Variants in ARHGAP28 observed in about 807,000 individuals in gnomAD.
ARHGAP28 encodes rho GTPase-activating protein 28.
In ARHGAP28, 56 loss-of-function variants were observed where a neutral mutation model predicts 90.7. That is an observed-to-expected ratio of 0.62 (90% CI 0.50 to 0.77). The LOEUF is 0.77. Ranked by LOEUF, ARHGAP28 falls within the 30% of genes least tolerant of loss-of-function variation. The pLI, the probability that ARHGAP28 is intolerant of heterozygous loss-of-function variation, is 0.00. For synonymous variants in ARHGAP28, 308 were observed against 323.3 expected, an observed-to-expected ratio of 0.95 and a Z score of 0.51; for missense variants, 869 against 900.9, an observed-to-expected ratio of 0.96 and a Z score of 0.45.
At chr18:6,867,648 T>C (rs563942589) in intron 5 of ARHGAP28, among the ~76,000 whole-genome samples, 98 of 152,320 alleles carry the variant, frequency 6.4e-4, no homozygotes, top group Non-Finnish European at 1.1e-3. Context: ...ATACCTAATA[T>C]TTTGTTAGTT....
At chr18:6,817,367 T>A (rs1243953940) in intron 1 of ARHGAP28, among the ~76,000 whole-genome samples, 1 of 151,832 alleles carries the variant, frequency 6.6e-6, no homozygotes, top group African/African-American at 2.4e-5. Flanking sequence ...AAGAGAGAAT[T>A]GTTAGATGCC....
chr18:6,832,556 G>A (rs927058411), intron 2 of ARHGAP28, among the ~76,000 whole-genome samples: 1 of 151,740 alleles, frequency 6.6e-6, no homozygotes, highest in Non-Finnish European at 1.5e-5. Context: ...GTCAGTTTTT[G>A]TTGCTTATAA....
chr18:6,827,631 AG>A (rs563223216), intron 2 of ARHGAP28, among the ~76,000 whole-genome samples: 4,397 of 68,818 alleles, frequency 0.064, 225 homozygotes, highest in African/African-American at 0.19. Context: ...GCTGGCCGGC[AG>A]GGGGGCTGAC....
rs984494975 is a variant in ARHGAP28, at chr18:6,844,825, G to A, written c.544-6209G>A. On this transcript the variant is annotated intron_variant, in intron 3 of 17. Coordinates refer to ENST00000383472, the MANE Select transcript of ARHGAP28 (RefSeq NM_001366230.1). ...AAAAATGCCCACTTATATGGAAACA[G>A]TGAAGAAAAAAGGAGACTCTTAAAC... Among the ~76,000 whole-genome samples the A allele has an allele frequency of 5.3e-5, 8 of 152,172 alleles. 1 individual carries two copies. The highest frequency in any genetic ancestry group is 2.0e-4 in the Admixed American group (3 of 15,286).
chr18:6,845,416 T>C (rs1054366539), intron 3 of ARHGAP28, among the ~76,000 whole-genome samples: 2 of 152,208 alleles, frequency 1.3e-5, no homozygotes, highest in Non-Finnish European at 2.9e-5. Context: ...ATTGCATTTT[T>C]TTCTTCAGCT....
chr18:6,787,216 AT>A (rs1340494084), intron 1 of ARHGAP28, among the ~76,000 whole-genome samples: 20 of 130,088 alleles, frequency 1.5e-4, no homozygotes, highest in South Asian at 1.4e-3. Flanking sequence ...GCGAAACTCC[AT>A]TTAAAAAAAA....
At chr18:6,799,422 T>G (rs1356646048) in intron 1 of ARHGAP28, among the ~76,000 whole-genome samples, 2 of 152,196 alleles carry the variant, frequency 1.3e-5, no homozygotes, top group Non-Finnish European at 2.9e-5. Context: ...AGAGCCCATA[T>G]AGCCAAGACA....
chr18:6,853,290 C>T (rs935111386), intron 4 of ARHGAP28, among the ~76,000 whole-genome samples: 1 of 152,092 alleles, frequency 6.6e-6, no homozygotes, highest in African/African-American at 2.4e-5. Context: ...TTGGACATGC[C>T]TCATTATACC....
At chr18:6,862,617 T>G (rs1231695415) in intron 5 of ARHGAP28, among the ~76,000 whole-genome samples, 5 of 152,222 alleles carry the variant, frequency 3.3e-5, no homozygotes, top group Admixed American at 1.3e-4. Flanking sequence ...AAGTCTGCAT[T>G]AAAATTTCCT....
At chr18:6,801,402 A>G (rs965353897) in intron 1 of ARHGAP28, among the ~76,000 whole-genome samples, 23 of 152,296 alleles carry the variant, frequency 1.5e-4, no homozygotes, top group African/African-American at 5.1e-4. Flanking sequence ...CTTTCTTACT[A>G]TAATTTTATA....
chr18:6,758,974 A>G lies in ARHGAP28; in HGVS notation c.122+29031A>G, dbSNP rs57850856. On this transcript the variant is annotated intron_variant, in intron 1 of 17. Coordinates refer to ENST00000383472, the MANE Select transcript of ARHGAP28 (RefSeq NM_001366230.1). ...TTTTTATTAATGAGCTTTAAAAATC[A>G]TACTTAATCACATATGACACAGTAA... 7.8e-3 allele frequency among the ~76,000 whole-genome samples: 1,194 copies of G among 152,340 alleles called. 16 individuals carry two copies. The highest frequency in any genetic ancestry group is 0.028 in the African/African-American group (1,158 of 41,576).
intron 16 of ARHGAP28, among the ~76,000 whole-genome samples, chr18:6,899,696 C>T (rs984200801): frequency 2.6e-5 from 4 of 152,270 alleles, no homozygotes; most frequent in Non-Finnish European, 5.9e-5. Flanking sequence ...CACCTTCACC[C>T]AGCAGCAATG....
In ARHGAP28 at chr18:6,782,251, G is replaced by A. The variant is rs181458822; in HGVS notation, c.123-42511G>A. Among the ~76,000 whole-genome samples, 7 of 152,222 alleles carry A rather than the reference G, an allele frequency of 4.6e-5. No homozygotes were observed. In the East Asian group the frequency reaches 1.4e-3, roughly 29 times the overall value. ...TAACCTTGTTTTCTAGGGTGAATGGGTAGAAGAGTGTTCACTGTTTTTTAG... is the reference window on the plus strand; with the variant it reads ...TAACCTTGTTTTCTAGGGTGAATGGATAGAAGAGTGTTCACTGTTTTTTAG... On this transcript the variant is annotated intron_variant, in intron 1 of 17. Transcript: ENST00000383472.
intron 2 of ARHGAP28, among the ~76,000 whole-genome samples, chr18:6,834,753 A>C (rs2056740539): frequency 6.6e-6 from 1 of 152,156 alleles, no homozygotes; most frequent in Non-Finnish European, 1.5e-5. Context: ...AGTAATAACG[A>C]GGCAATATGA....
chr18:6,731,410 C>G (rs2055881520), intron 1 of ARHGAP28, among the ~76,000 whole-genome samples: 1 of 152,068 alleles, frequency 6.6e-6, no homozygotes, highest in Non-Finnish European at 1.5e-5. Context: ...AGAACGCCAG[C>G]CAGATTGTGC....
At chr18:6,859,760 A>G in intron 4 of ARHGAP28, 48 bp from the exon 5 acceptor site, 1 of 1,541,000 alleles carries the variant, frequency 6.5e-7, no homozygotes, top group Non-Finnish European at 9.0e-7. Flanking sequence ...CAAACACATT[A>G]GAAAGTATTT....
At chr18:6,799,531 G>T (rs905094072) in intron 1 of ARHGAP28, among the ~76,000 whole-genome samples, 4 of 152,172 alleles carry the variant, frequency 2.6e-5, no homozygotes, top group African/African-American at 4.8e-5. Context: ...TACTAAAACA[G>T]ATATATAGAC....
intron 12 of ARHGAP28, 87 bp downstream of exon 12, chr18:6,887,326 C>T (rs1290773863): frequency 7.1e-6 from 9 of 1,265,818 alleles, no homozygotes; most frequent in Non-Finnish European, 1.0e-5. Context: ...GTGGAGATGA[C>T]AGCTCACTGA....
chr18:6,792,940 A>T (rs189814393), intron 1 of ARHGAP28, among the ~76,000 whole-genome samples: 5 of 152,356 alleles, frequency 3.3e-5, no homozygotes, highest in African/African-American at 9.6e-5. Context: ...TACTTCCAGT[A>T]TGATGCTCAC....
Sources: allele counts gnomAD v4.1 joint callset (sites outside exome capture counted in the v4.1 genomes callset), GRCh38; gene constraint gnomAD v4.1.1; transcripts MANE v1.5; gene names NCBI Gene and HGNC (gene_info 2026-07-23, HGNC 2026-07-21).